Variants in GRM8 observed in about 807,000 individuals in gnomAD.
The protein encoded by GRM8 is metabotropic glutamate receptor 8.
GRM8 carries 47 observed loss-of-function variants against 87.2 expected under a neutral mutation model. The observed-to-expected ratio is 0.54, with a 90% CI of 0.43 to 0.69. GRM8 has a LOEUF of 0.69. GRM8 is among the 30% of genes least tolerant of loss of function. The probability of loss-of-function intolerance (pLI) is 0.00; values close to 1 mark genes in which losing one functional copy is unlikely to be tolerated. For synonymous variants in GRM8, 396 were observed against 404.5 expected, an observed-to-expected ratio of 0.98 and a Z score of 0.25; for missense variants, 1,019 against 1,139.2, an observed-to-expected ratio of 0.89 and a Z score of 1.52.
rs79676510 is a variant in GRM8 at position 126,627,090 on chromosome 7, T to C, written c.1358-17592A>G. On this transcript the variant is annotated intron_variant, in intron 7 of 10. Coordinates refer to ENST00000339582, the MANE Select transcript of GRM8 (RefSeq NM_000845.3). ...GCACCTAACCATTTTTGTACATTTATTCCTAGATAATATTATCTGATACTA... is the reference window on the plus strand; with the variant it reads ...GCACCTAACCATTTTTGTACATTTACTCCTAGATAATATTATCTGATACTA... Among the ~76,000 whole-genome samples, 993 of 152,338 alleles carry C rather than the reference T, an allele frequency of 6.5e-3. 6 individuals carry two copies. Among genetic ancestry groups the C allele is most frequent in the Non-Finnish European group, 0.01 (702 of 68,028 alleles).
At chr7:126,522,603 C>G (rs1428775701) in intron 9 of GRM8, among the ~76,000 whole-genome samples, 7 of 152,184 alleles carry the variant, frequency 4.6e-5, no homozygotes, top group Admixed American at 4.6e-4. Flanking sequence ...CCTCCCAGTT[C>G]TCCTTGTGGC....
chr7:126,688,685 G>A (rs1229981983), intron 7 of GRM8, among the ~76,000 whole-genome samples: 4 of 151,776 alleles, frequency 2.6e-5, no homozygotes, highest in African/African-American at 9.7e-5. Flanking sequence ...GAGTCACAGA[G>A]ATCTTGGTTT....
intron 9 of GRM8, among the ~76,000 whole-genome samples, chr7:126,469,033 C>A (rs913696884): frequency 6.6e-6 from 1 of 152,072 alleles, no homozygotes; most frequent in Non-Finnish European, 1.5e-5. Flanking sequence ...CTCCTTTAAT[C>A]TTTGTTTCAG....
intron 3 of GRM8, among the ~76,000 whole-genome samples, chr7:126,949,159 C>A (rs998044535): frequency 2.0e-5 from 3 of 152,104 alleles, no homozygotes; most frequent in Non-Finnish European, 2.9e-5. Flanking sequence ...ACTCAGTAAT[C>A]CATAATTATA....
At chr7:126,519,345 T>C (rs377026875) in intron 9 of GRM8, among the ~76,000 whole-genome samples, 1 of 152,056 alleles carries the variant, frequency 6.6e-6, no homozygotes, top group South Asian at 2.1e-4. Flanking sequence ...CATAAGAAAA[T>C]TGGTTTCACT....
At chr7:127,182,124 CA>C (rs1794472284) in intron 2 of GRM8, among the ~76,000 whole-genome samples, 1 of 151,980 alleles carries the variant, frequency 6.6e-6, no homozygotes, top group Non-Finnish European at 1.5e-5. Flanking sequence ...CCAAAATCTA[CA>C]ATGAACTCAA....
intron 9 of GRM8, among the ~76,000 whole-genome samples, chr7:126,526,183 A>C (rs1468155018): frequency 6.6e-6 from 1 of 152,228 alleles, no homozygotes; most frequent in African/African-American, 2.4e-5. Flanking sequence ...TTACAAAATC[A>C]TAGTAAGTAA....
chr7:126,800,338 C>A (rs1016826526), intron 6 of GRM8, among the ~76,000 whole-genome samples: 4 of 152,194 alleles, frequency 2.6e-5, no homozygotes, highest in Admixed American at 2.6e-4. Context: ...CATCTGCACA[C>A]CCATCAGGCT....
chr7:127,015,350 A>G (rs1229735460), intron 3 of GRM8, among the ~76,000 whole-genome samples: 1 of 152,094 alleles, frequency 6.6e-6, no homozygotes, highest in Non-Finnish European at 1.5e-5. Flanking sequence ...GTGTCCTCCT[A>G]TTACATCACA....
intron 2 of GRM8, among the ~76,000 whole-genome samples, chr7:127,163,008 C>T (rs1057167683): frequency 1.3e-5 from 2 of 152,036 alleles, no homozygotes; most frequent in African/African-American, 2.4e-5. Context: ...GAAATAGATC[C>T]GGGGTCTGGG....
intron 9 of GRM8, among the ~76,000 whole-genome samples, chr7:126,485,695 C>T (rs1398485063): frequency 6.6e-6 from 1 of 151,924 alleles, no homozygotes; most frequent in African/African-American, 2.4e-5. Flanking sequence ...GCCAAATTAG[C>T]AGTTGTTAAC....
At chr7:126,965,288 A>T (rs1809734231) in intron 3 of GRM8, among the ~76,000 whole-genome samples, 1 of 152,138 alleles carries the variant, frequency 6.6e-6, no homozygotes, top group Non-Finnish European at 1.5e-5. Flanking sequence ...CTGCACATGT[A>T]CCCCAGAACT....
intron 6 of GRM8, among the ~76,000 whole-genome samples, chr7:126,790,130 C>T (rs534626478): frequency 2.6e-5 from 4 of 152,198 alleles, no homozygotes; most frequent in Middle Eastern, 3.4e-3. Context: ...GCCTCAGCCT[C>T]CTGAGGAGCT....
At chr7:126,497,725 C>T (rs1193491256) in intron 9 of GRM8, among the ~76,000 whole-genome samples, 1 of 151,952 alleles carries the variant, frequency 6.6e-6, no homozygotes, top group Non-Finnish European at 1.5e-5. Flanking sequence ...AACTTAAGGG[C>T]TGCATTGCAA....
At chr7:126,829,524 C>T (rs547566746) in intron 6 of GRM8, among the ~76,000 whole-genome samples, 81 of 130,276 alleles carry the variant, frequency 6.2e-4, no homozygotes, top group South Asian at 2.9e-3. Context: ...AGGATTGCAA[C>T]CCCTGCCTTT....
intron 3 of GRM8, among the ~76,000 whole-genome samples, chr7:127,028,067 T>C (rs1816970233): frequency 6.6e-6 from 1 of 152,212 alleles, no homozygotes; most frequent in Admixed American, 6.5e-5. Context: ...AAAGGACTTT[T>C]CTGCATCTAC....
intron 3 of GRM8, among the ~76,000 whole-genome samples, chr7:127,072,615 G>T (rs1360323018): frequency 2.7e-5 from 4 of 150,634 alleles, no homozygotes; most frequent in African/African-American, 9.8e-5. Flanking sequence ...AGCACTAAAT[G>T]CTGAACCCTC....
intron 3 of GRM8, among the ~76,000 whole-genome samples, chr7:127,048,111 C>T (rs1819118721): frequency 6.6e-6 from 1 of 151,784 alleles, no homozygotes; most frequent in African/African-American, 2.4e-5. Context: ...AAAAATAGAG[C>T]AAATAGTAAG....
intron 7 of GRM8, among the ~76,000 whole-genome samples, chr7:126,655,925 G>A (rs1359480840): frequency 6.6e-6 from 1 of 152,084 alleles, no homozygotes; most frequent in Non-Finnish European, 1.5e-5. Context: ...CAGAAAATGG[G>A]CTAATCTTTG....
Sources: allele counts gnomAD v4.1 joint callset (sites outside exome capture counted in the v4.1 genomes callset), GRCh38; gene constraint gnomAD v4.1.1; transcripts MANE v1.5; gene names NCBI Gene and HGNC (gene_info 2026-07-23, HGNC 2026-07-21).